The following ADGRV1 variants were observed in gnomAD, a reference collection of about 807,000 sequenced individuals.
The protein encoded by ADGRV1 is G-protein coupled receptor 98.
In ADGRV1, 359 loss-of-function variants were observed where a neutral mutation model predicts 596.2. That is an observed-to-expected ratio of 0.60 (90% CI 0.55 to 0.66). ADGRV1 has a LOEUF of 0.66. Among genes scored for constraint, ADGRV1 ranks in the 30% least tolerant of loss-of-function variants. ADGRV1 has a pLI of 0.00. For synonymous variants in ADGRV1, 2,681 were observed against 2,679.2 expected, an observed-to-expected ratio of 1.00 and a Z score of -0.02; for missense variants, 7,274 against 7,575.6, an observed-to-expected ratio of 0.96 and a Z score of 1.48.
intron 89 of ADGRV1, among the ~76,000 whole-genome samples, chr5:91,154,309 G>A (rs1439024242): frequency 6.6e-6 from 1 of 152,104 alleles, no homozygotes; most frequent in Non-Finnish European, 1.5e-5. Flanking sequence ...ATTCAGAAGT[G>A]CATTTTACTT....
intron 83 of ADGRV1, among the ~76,000 whole-genome samples, chr5:90,946,766 C>T (rs186022898): frequency 6.6e-6 from 1 of 152,118 alleles, no homozygotes; most frequent in African/African-American, 2.4e-5. Flanking sequence ...CTTCTAGCTA[C>T]ATCCATGTCC....
intron 85 of ADGRV1, among the ~76,000 whole-genome samples, chr5:91,028,732 G>GGTTTT (rs1562111339): frequency 1.0e-5 from 1 of 95,912 alleles, no homozygotes; most frequent in Non-Finnish European, 1.9e-5. Flanking sequence ...ACTAGACTCT[G>GGTTTT]TTTTTTTTTT....
intron 85 of ADGRV1, among the ~76,000 whole-genome samples, chr5:90,994,632 A>AT (rs1297797570): frequency 1.3e-5 from 2 of 152,088 alleles, no homozygotes; most frequent in Non-Finnish European, 1.5e-5. Context: ...TATTTTGTAA[A>AT]TTTTTGTTGA....
chr5:91,029,668 A>C (rs1784321198), intron 85 of ADGRV1, among the ~76,000 whole-genome samples: 1 of 152,122 alleles, frequency 6.6e-6, no homozygotes, highest in Admixed American at 6.5e-5. Flanking sequence ...AATTTTTTGT[A>C]ATCGGTTGTT....
intron 75 of ADGRV1, among the ~76,000 whole-genome samples, chr5:90,820,967 T>G (rs892362334): frequency 6.6e-6 from 1 of 151,862 alleles, no homozygotes; most frequent in African/African-American, 2.4e-5. Context: ...TGGCCTGCCT[T>G]GCTAGATTGG....
At chr5:90,901,265 T>C (rs1771811577) in intron 83 of ADGRV1, among the ~76,000 whole-genome samples, 1 of 152,192 alleles carries the variant, frequency 6.6e-6, no homozygotes, top group Non-Finnish European at 1.5e-5. Flanking sequence ...TTGTAAGTGT[T>C]CATAAATGTG....
intron 87 of ADGRV1, among the ~76,000 whole-genome samples, chr5:91,148,768 C>G (rs1795768765): frequency 6.6e-6 from 1 of 152,148 alleles, no homozygotes; most frequent in African/African-American, 2.4e-5. Context: ...AAGCCACAGA[C>G]ACTCAAAGCC....
chr5:91,163,827 A>G lies in ADGRV1; in HGVS notation c.18848A>G (p.Gln6283Arg), dbSNP rs1413637568. 1 of 1,605,862 alleles carries G rather than the reference A, an allele frequency of 6.2e-7. No individual in the cohort carries two copies. Among genetic ancestry groups the G allele is most frequent in the Non-Finnish European group, 8.5e-7 (1 of 1,174,646 alleles). Residue 6283 changes from glutamine to arginine, a missense_variant, in exon 90 of 90, where the codon CAG (glutamine) becomes CGG (arginine). By Grantham distance (43) the Gln-to-Arg change is conservative (BLOSUM62 1). Transcript: ENST00000405460. Reference protein sequence around the residue: ...VSDNESGQGSQEGGTLTDSQI... With the variant: ...VSDNESGQGSREGGTLTDSQI... ...GATAATGAATCTGGTCAAGGCAGCC[A>G]GGAGGGGGGCACCTTGACTGACTCC...
chr5:91,109,079 G>A (rs974325452), intron 87 of ADGRV1, among the ~76,000 whole-genome samples: 2 of 152,112 alleles, frequency 1.3e-5, no homozygotes, highest in African/African-American at 4.8e-5. Context: ...AAGCATTATG[G>A]ATACAAATGC....
At chr5:90,891,298 G>A (rs919175831) in intron 83 of ADGRV1, among the ~76,000 whole-genome samples, 1 of 150,800 alleles carries the variant, frequency 6.6e-6, no homozygotes, top group African/African-American at 2.4e-5. Flanking sequence ...TGTGTGTATT[G>A]GGGTAATGAT....
chr5:90,707,006 G>T (rs1418167385), intron 38 of ADGRV1, among the ~76,000 whole-genome samples: 1 of 151,920 alleles, frequency 6.6e-6, no homozygotes, highest in Non-Finnish European at 1.5e-5. Flanking sequence ...AGATGCCATA[G>T]ACCTAAGAGG....
rs774772905 is a variant in ADGRV1 at position 90,644,697 on chromosome 5, A to G, written c.2735-9A>G. The G allele has an allele frequency of 6.3e-7, 1 of 1,597,318 alleles. No homozygotes were observed. The highest frequency in any genetic ancestry group is 1.2e-5 in the South Asian group (1 of 85,732). On this transcript the variant is annotated splice_polypyrimidine_tract_variant and intron_variant, in intron 14 of 89. Transcript: ENST00000405460. ...CTTCATATGTATTATGTATGTTTCCATTTCACAGCTGTTTATGATGTAGTA... is the reference window on the plus strand; with the variant it reads ...CTTCATATGTATTATGTATGTTTCCGTTTCACAGCTGTTTATGATGTAGTA...
In ADGRV1 at chr5:90,810,580, T is replaced by C. The variant is rs369377409; in HGVS notation, c.15320T>C (p.Val5107Ala). The change falls in exon 74 of 90, where the codon GTT becomes GCT. Residue 5107 changes from valine (V) to alanine (A), a missense_variant. This residue lies in a region of ADGRV1 where 1,874 missense variants were observed against 1,970.2 expected (regional missense o/e 0.95). Coordinates refer to ENST00000405460, the MANE Select transcript of ADGRV1 (RefSeq NM_032119.4). The part of the protein sequence containing the change: ...VEIRGLQKFD[V>A]NWSPRLNLDF... ...ATTAGGGGATTACAAAAGTTTGATG[T>C]TAATTGGAGCCCACGCCTGAATCTA... The C allele has an allele frequency of 3.1e-6, 5 of 1,613,890 alleles. No individual in the cohort carries two copies. The highest frequency in any genetic ancestry group is 4.2e-6 in the Non-Finnish European group (5 of 1,179,888).
intron 71 of ADGRV1, among the ~76,000 whole-genome samples, chr5:90,804,692 C>G (rs904857237): frequency 3.9e-5 from 6 of 152,152 alleles, no homozygotes; most frequent in African/African-American, 1.4e-4. Context: ...TATTCTTACT[C>G]ATTGCTCAGA....
intron 85 of ADGRV1, among the ~76,000 whole-genome samples, chr5:91,004,130 T>C (rs548533208): frequency 1.3e-5 from 2 of 152,212 alleles, no homozygotes; most frequent in South Asian, 4.2e-4. Context: ...AATAGAATAT[T>C]TGGGGATGGG....
intron 32 of ADGRV1, among the ~76,000 whole-genome samples, chr5:90,693,341 T>C (rs10043836): frequency 0.74 from 111,834 of 152,016 alleles, 42,170 homozygotes; most frequent in African/African-American, 0.9. Context: ...CTATGCACAG[T>C]CATCCATATA....
At chr5:91,108,567 C>A (rs1361604657) in intron 87 of ADGRV1, among the ~76,000 whole-genome samples, 2 of 152,048 alleles carry the variant, frequency 1.3e-5, no homozygotes, top group Non-Finnish European at 2.9e-5. Context: ...ATCTCAGGAT[C>A]TCTAGCCACC....
chr5:90,722,400 T>G (rs148306018), intron 45 of ADGRV1, among the ~76,000 whole-genome samples: 1 of 152,026 alleles, frequency 6.6e-6, no homozygotes, highest in East Asian at 1.9e-4. Flanking sequence ...AGAATAAATT[T>G]CTCTAGACTC....
intron 65 of ADGRV1, among the ~76,000 whole-genome samples, 152 bp from the exon 66 acceptor site, chr5:90,782,972 C>T (rs1272364816): frequency 6.6e-6 from 1 of 152,184 alleles, no homozygotes; most frequent in African/African-American, 2.4e-5. Flanking sequence ...ATGAGGTTTT[C>T]ACTAATCCCC....
Sources: gnomAD v4.1 joint callset for allele counts (sites outside exome capture counted in the v4.1 genomes callset) on GRCh38, gnomAD v4.1.1 for gene constraint, gnomAD v4.1.1 regional missense constraint, MANE v1.5 for transcripts, NCBI Gene and HGNC (gene_info 2026-07-23, HGNC 2026-07-21) for gene names.